The following AVEN variants were observed in gnomAD, a reference collection of about 807,000 sequenced individuals.
AVEN encodes cell death regulator Aven.
A neutral mutation model predicts 38.1 loss-of-function variants in AVEN; 41 were observed. The ratio of observed to expected loss-of-function variants is 1.08; its 90% CI spans 0.84 to 1.40. The LOEUF (loss-of-function observed/expected upper bound fraction) is 1.40, where lower values mean the gene tolerates loss of function less well. Ranked by LOEUF, AVEN falls within the 40% of genes most tolerant of loss-of-function variation. The probability of loss-of-function intolerance (pLI) is 0.00; values close to 1 mark genes in which losing one functional copy is unlikely to be tolerated. For missense variants in AVEN, 605 were observed against 438.8 expected, an observed-to-expected ratio of 1.38 and a Z score of -3.38; for synonymous variants, 206 against 171.8, an observed-to-expected ratio of 1.20 and a Z score of -1.56.
intron 11 of AVEN, chr15:33,860,543 C>A: frequency 9.3e-7 from 1 of 1,080,688 alleles, no homozygotes; most frequent in Non-Finnish European, 1.3e-6. Flanking sequence ...TATCATTCCT[C>A]TACCCCTGAA....
chr15:33,855,039 A>C, downstream of AVEN: 1 of 949,144 alleles, frequency 1.1e-6, no homozygotes, highest in Non-Finnish European at 1.4e-6. Context: ...TTCTTGGCCA[A>C]ACACTTCAAC....
downstream of AVEN, chr15:33,861,231 A>G: frequency 2.3e-6 from 3 of 1,314,376 alleles, no homozygotes; most frequent in Non-Finnish European, 3.2e-6. Flanking sequence ...AAATAAAGCC[A>G]ATTAGGTCAT....
At chr15:34,030,759 G>A (rs973050083) in intron 1 of AVEN, among the ~76,000 whole-genome samples, 3 of 151,978 alleles carry the variant, frequency 2.0e-5, no homozygotes, top group Non-Finnish European at 2.9e-5. Flanking sequence ...TGGGAATACA[G>A]GCGTGCACCA....
chr15:33,937,503 A>G (rs1329565436), intron 2 of AVEN, among the ~76,000 whole-genome samples: 2 of 151,706 alleles, frequency 1.3e-5, no homozygotes, highest in Non-Finnish European at 2.9e-5. Flanking sequence ...ACTGCACTCC[A>G]GCCTGGGCGA....
chr15:33,932,774 G>A (rs1049024226), intron 2 of AVEN, among the ~76,000 whole-genome samples: 6 of 152,088 alleles, frequency 3.9e-5, no homozygotes, highest in South Asian at 4.1e-4. Context: ...GCAGTGAGCC[G>A]AGATCGTGCC....
At chr15:33,859,785 C>T in intron 11 of AVEN, 2 of 1,524,822 alleles carry the variant, frequency 1.3e-6, no homozygotes, top group Non-Finnish European at 1.8e-6. Flanking sequence ...GTTCTTTTTG[C>T]TTTCTTCCAT....
chr15:33,861,202 G>C (rs751972242), intron 11 of AVEN: 2 of 1,526,306 alleles, frequency 1.3e-6, no homozygotes, highest in South Asian at 1.2e-5. Flanking sequence ...GTTAACAAAA[G>C]TAATGGCAGC....
intron 1 of AVEN, among the ~76,000 whole-genome samples, chr15:34,029,808 A>T (rs994545183): frequency 3.3e-5 from 5 of 152,342 alleles, no homozygotes; most frequent in African/African-American, 1.2e-4. Flanking sequence ...TAATAATATA[A>T]GACTAATCTT....
intron 2 of AVEN, among the ~76,000 whole-genome samples, chr15:33,939,906 C>T (rs183771140): frequency 6.6e-6 from 1 of 152,230 alleles, no homozygotes; most frequent in East Asian, 1.9e-4. Flanking sequence ...AAACATACAA[C>T]GTTAAATTTA....
chr15:33,982,165 C>A (rs965639258), intron 2 of AVEN, among the ~76,000 whole-genome samples: 4 of 152,126 alleles, frequency 2.6e-5, no homozygotes, highest in African/African-American at 9.7e-5. Context: ...CCACACCCAG[C>A]ACTAAATAAG....
chr15:34,053,303 A>C (rs1014048718), intron 5 of AVEN, among the ~76,000 whole-genome samples: 3 of 78,782 alleles, frequency 3.8e-5, no homozygotes, highest in Admixed American at 1.6e-4. Flanking sequence ...CCATCTCAAA[A>C]AAAAAAAAAA....
intron 2 of AVEN, among the ~76,000 whole-genome samples, chr15:33,893,025 GT>G (rs1892053427): frequency 6.6e-6 from 1 of 152,058 alleles, no homozygotes; most frequent in South Asian, 2.1e-4. Context: ...CTCTCTGTCT[GT>G]TATTGGTATA....
chr15:34,024,975 G>A (rs140509176), intron 1 of AVEN, among the ~76,000 whole-genome samples: 2,612 of 151,990 alleles, frequency 0.017, 86 homozygotes, highest in African/African-American at 0.056. Context: ...CTGAGGTCAG[G>A]ATTTTGAGAC....
intron 1 of AVEN, among the ~76,000 whole-genome samples, chr15:34,025,593 T>C (rs559394232): frequency 2.0e-5 from 3 of 152,352 alleles, no homozygotes; most frequent in South Asian, 4.1e-4. Context: ...GTAGCAATGT[T>C]AATGTCCTGA....
chr15:33,853,183 C>G, the AVEN span: 1 of 1,076,018 alleles, frequency 9.3e-7, no homozygotes, highest in East Asian at 2.6e-5. Context: ...AAATGTGATG[C>G]TACTTTTATG....
intron 2 of AVEN, among the ~76,000 whole-genome samples, chr15:33,961,791 C>A (rs571186320): frequency 1.0e-4 from 11 of 105,286 alleles, no homozygotes; most frequent in South Asian, 7.1e-4. Context: ...CCAGCCTGGG[C>A]GACAGAGTGA....
chr15:33,906,821 G>A (rs117744932), intron 2 of AVEN, among the ~76,000 whole-genome samples: 4,408 of 152,174 alleles, frequency 0.029, 138 homozygotes, highest in Non-Finnish European at 0.033. Flanking sequence ...GATGATGATG[G>A]TTGCATAGCA....
intron 2 of AVEN, among the ~76,000 whole-genome samples, chr15:33,978,899 T>C (rs1001211408): frequency 2.7e-5 from 4 of 150,812 alleles, no homozygotes; most frequent in African/African-American, 9.7e-5. Flanking sequence ...ATGTGAAAAA[T>C]GGACAGAGGA....
rs1893750396 is a variant in AVEN, at chr15:33,929,302, T to C, written c.446-53307A>G. 3.3e-5 allele frequency among the ~76,000 whole-genome samples: 5 copies of C among 152,218 alleles called. No homozygotes were observed. The South Asian group carries it at 1.0e-3, about 32-fold the overall frequency. On this transcript the variant is annotated intron_variant, in intron 2 of 5. Coordinates refer to ENST00000306730, the MANE Select transcript of AVEN (RefSeq NM_020371.3). ...ACTGTTATCCGCTGAGGCATATAAATGTTAACCCTGTCACCCAGGAAGGCT... is the reference window on the plus strand; with the variant it reads ...ACTGTTATCCGCTGAGGCATATAAACGTTAACCCTGTCACCCAGGAAGGCT...
Sources: allele counts gnomAD v4.1 joint callset (sites outside exome capture counted in the v4.1 genomes callset), GRCh38; gene constraint gnomAD v4.1.1; transcripts MANE v1.5; gene names NCBI Gene and HGNC (gene_info 2026-07-23, HGNC 2026-07-21).